Variants in NFIB observed in about 807,000 individuals in gnomAD.
NFIB encodes the protein nuclear factor 1 B-type.
A neutral mutation model predicts 61.5 loss-of-function variants in NFIB; 11 were observed. The observed-to-expected ratio is 0.18, with a 90% CI of 0.11 to 0.30. NFIB has a LOEUF of 0.30. Among genes scored for constraint, NFIB ranks in the 10% least tolerant of loss-of-function variants. The pLI is 1.00. For missense variants in NFIB, 471 were observed against 608.9 expected (o/e 0.77, Z 2.38); for synonymous variants, 260 against 216.5 (o/e 1.20, Z -1.76).
intron 2 of NFIB, among the ~76,000 whole-genome samples, chr9:14,221,809 C>A (rs1400526959): frequency 1.3e-5 from 2 of 152,200 alleles, no homozygotes; most frequent in Non-Finnish European, 2.9e-5. Flanking sequence ...TCATTCTTTA[C>A]CAGTGAGTCA....
intron 2 of NFIB, among the ~76,000 whole-genome samples, chr9:14,241,721 T>C (rs1398949629): frequency 1.3e-5 from 2 of 152,164 alleles, no homozygotes; most frequent in African/African-American, 4.8e-5. Context: ...GTTAGTCTGG[T>C]GTGTACCAGA....
chr9:14,456,769 G>C, the NFIB span, among the ~76,000 whole-genome samples: 1 of 152,104 alleles, frequency 6.6e-6, no homozygotes, highest in Non-Finnish European at 1.5e-5. Flanking sequence ...TTCAATAGGG[G>C]ACAATTTGCC....
intron 2 of NFIB, among the ~76,000 whole-genome samples, chr9:14,287,303 C>T (rs1163530986): frequency 1.3e-5 from 2 of 151,304 alleles, no homozygotes; most frequent in East Asian, 4.1e-4. Flanking sequence ...TGGTGGCGGG[C>T]ACCTGTAGTC....
At chr9:14,333,301 C>T (rs2060844132) in intron 1 of NFIB, among the ~76,000 whole-genome samples, 1 of 152,170 alleles carries the variant, frequency 6.6e-6, no homozygotes, top group African/African-American at 2.4e-5. Context: ...ATAAATCACC[C>T]AAGGTCAATA....
chr9:14,246,752 A>G (rs2054974380), intron 2 of NFIB, among the ~76,000 whole-genome samples: 1 of 152,152 alleles, frequency 6.6e-6, no homozygotes, highest in East Asian at 1.9e-4. Flanking sequence ...ATATCAAGGT[A>G]TATGTGTGGT....
At position 14,335,536 on chromosome 9, in the gene NFIB, GTTGT is replaced by G. The variant is rs1478627996; in HGVS notation, c.109-28020_109-28017del. Among the ~76,000 whole-genome samples the G allele has an allele frequency of 3.3e-5, 5 of 152,236 alleles. No homozygotes were observed. The East Asian group carries it at 5.8e-4, about 18-fold the overall frequency. The stretch of plus-strand genomic sequence containing the variant: ...ACTTTTTGCCCATTTAAAAAATTGG[GTTGT>G]TTGTTTTCTTACTGAATTTTTAAGT... On this transcript the variant is annotated intron_variant, in intron 1 of 8. Transcript: ENST00000380934.
intron 10 of NFIB, among the ~76,000 whole-genome samples, chr9:14,109,035 A>G (rs968443119): frequency 1.3e-5 from 2 of 152,062 alleles, no homozygotes; most frequent in African/African-American, 4.8e-5. Flanking sequence ...AATGGTGATA[A>G]TCAAATTAGC....
intron 2 of NFIB, 33 bp downstream of exon 2, chr9:14,306,956 G>C (rs773857094): frequency 6.2e-7 from 1 of 1,606,828 alleles, no homozygotes; most frequent in East Asian, 2.2e-5. Flanking sequence ...GGCGGTGTTT[G>C]CCGTGCTAGA....
chr9:14,198,891 C>T (rs1294669566), intron 2 of NFIB, among the ~76,000 whole-genome samples: 7 of 152,206 alleles, frequency 4.6e-5, no homozygotes, highest in African/African-American at 1.4e-4. Context: ...CCTCTCCCTG[C>T]CATGTGATGC....
chr9:14,401,172 G>C (rs2061739435), upstream of NFIB, among the ~76,000 whole-genome samples: 1 of 152,142 alleles, frequency 6.6e-6, no homozygotes. Flanking sequence ...ACTTGAAAAG[G>C]CTCATTGTGT....
intron 2 of NFIB, among the ~76,000 whole-genome samples, chr9:14,301,658 G>A (rs192326498): frequency 4.2e-4 from 63 of 151,512 alleles, no homozygotes; most frequent in African/African-American, 1.4e-3. Context: ...TTGCCATATC[G>A]GAACACAGAT....
chr9:14,237,485 T>C (rs1168926497), intron 2 of NFIB, among the ~76,000 whole-genome samples: 2 of 150,412 alleles, frequency 1.3e-5, no homozygotes, highest in African/African-American at 4.9e-5. Context: ...AGCTCTTCAT[T>C]ATGTCTATGT....
chr9:14,163,766 T>A (rs1438123685), intron 3 of NFIB, among the ~76,000 whole-genome samples: 1 of 152,028 alleles, frequency 6.6e-6, no homozygotes, highest in African/African-American at 2.4e-5. Context: ...TTTACTGATA[T>A]GTTCATGGAA....
At chr9:14,233,495 T>A (rs2053422281) in intron 2 of NFIB, among the ~76,000 whole-genome samples, 1 of 148,776 alleles carries the variant, frequency 6.7e-6, no homozygotes, top group South Asian at 2.2e-4. Context: ...TGGTGCGATC[T>A]CGGCTCACTG....
At chr9:14,168,596 G>C in intron 3 of NFIB, among the ~76,000 whole-genome samples, 1 of 152,016 alleles carries the variant, frequency 6.6e-6, no homozygotes, top group East Asian at 2.0e-4. Context: ...GGAGACCTTG[G>C]AACCATACAA....
intron 2 of NFIB, among the ~76,000 whole-genome samples, chr9:14,182,710 G>GTCTC (rs1563874595): frequency 1.8e-5 from 1 of 56,154 alleles, no homozygotes; most frequent in Non-Finnish European, 3.2e-5. Context: ...CTCTCTCTCT[G>GTCTC]TGTGTGTGTG....
chr9:14,356,743 C>G (rs1356539847), intron 1 of NFIB, among the ~76,000 whole-genome samples: 1 of 152,092 alleles, frequency 6.6e-6, no homozygotes, highest in African/African-American at 2.4e-5. Flanking sequence ...CTGGGTGATC[C>G]TGAGCACTTA....
At chr9:14,387,870 G>A (rs2061567156) in intron 1 of NFIB, among the ~76,000 whole-genome samples, 1 of 152,162 alleles carries the variant, frequency 6.6e-6, no homozygotes, top group African/African-American at 2.4e-5. Context: ...TACTCATAGA[G>A]CACAGTGGGG....
the NFIB span, among the ~76,000 whole-genome samples, chr9:14,428,473 G>A: frequency 6.6e-6 from 1 of 152,088 alleles, no homozygotes; most frequent in Non-Finnish European, 1.5e-5. Flanking sequence ...GAGATTGGGG[G>A]GACGTGCATT....
Sources: allele counts gnomAD v4.1 joint callset (sites outside exome capture counted in the v4.1 genomes callset), GRCh38; gene constraint gnomAD v4.1.1; transcripts MANE v1.5; gene names NCBI Gene and HGNC (gene_info 2026-07-23, HGNC 2026-07-21).